The following PDGFC variants were observed in gnomAD, a reference collection of about 807,000 sequenced individuals.
PDGFC encodes platelet derived growth factor C, also known as platelet-derived growth factor C.
PDGFC carries 12 observed loss-of-function variants against 35.5 expected under a neutral mutation model. That is an observed-to-expected ratio of 0.34 (90% CI 0.22 to 0.55). PDGFC has a LOEUF of 0.55. PDGFC is among the 20% of genes least tolerant of loss of function. PDGFC has a pLI of 0.91. For synonymous variants in PDGFC, 159 were observed against 148.8 expected, an observed-to-expected ratio of 1.07 and a Z score of -0.50; for missense variants, 322 against 412.4, an observed-to-expected ratio of 0.78 and a Z score of 1.90.
At chr4:156,911,019 G>A (rs1220655189) in intron 1 of PDGFC, among the ~76,000 whole-genome samples, 1 of 152,068 alleles carries the variant, frequency 6.6e-6, no homozygotes, top group Non-Finnish European at 1.5e-5. Context: ...TTAACGCGGT[G>A]TTTTACAGAG....
intron 1 of PDGFC, among the ~76,000 whole-genome samples, chr4:156,955,065 A>G (rs892741498): frequency 2.6e-5 from 4 of 152,050 alleles, no homozygotes; most frequent in Non-Finnish European, 5.9e-5. Context: ...GAGAGTTTAG[A>G]GAAGAGAGAC....
intron 1 of PDGFC, among the ~76,000 whole-genome samples, chr4:156,885,262 T>C (rs1227533062): frequency 1.3e-5 from 2 of 152,160 alleles, no homozygotes; most frequent in African/African-American, 2.4e-5. Flanking sequence ...GATATATGTG[T>C]GCTTATTTCA....
At chr4:156,914,954 G>C (rs2110818953) in intron 1 of PDGFC, among the ~76,000 whole-genome samples, 1 of 152,182 alleles carries the variant, frequency 6.6e-6, no homozygotes, top group South Asian at 2.1e-4. Flanking sequence ...TTTGTTAATG[G>C]TTTAGAGTAG....
chr4:156,852,062 A>T (rs891670323), intron 1 of PDGFC, among the ~76,000 whole-genome samples: 20 of 152,100 alleles, frequency 1.3e-4, no homozygotes, highest in Non-Finnish European at 2.2e-4. Context: ...ATTTTATTTT[A>T]AAAAAAGTAA....
chr4:156,833,321 G>C (rs1358156268), intron 2 of PDGFC, among the ~76,000 whole-genome samples: 1 of 152,162 alleles, frequency 6.6e-6, no homozygotes, highest in Non-Finnish European at 1.5e-5. Context: ...TTTAGTAGTG[G>C]ATATTCAATA....
intron 2 of PDGFC, among the ~76,000 whole-genome samples, chr4:156,815,966 A>G (rs887613881): frequency 1.3e-5 from 2 of 152,178 alleles, no homozygotes; most frequent in African/African-American, 4.8e-5. Context: ...TTTATGTTTA[A>G]CAAACAAGTC....
intron 1 of PDGFC, among the ~76,000 whole-genome samples, chr4:156,931,394 G>A (rs191772300): frequency 2.0e-5 from 3 of 152,298 alleles, no homozygotes; most frequent in Admixed American, 2.0e-4. Context: ...AAAGATCCAT[G>A]AAGGCTTAAG....
intron 1 of PDGFC, among the ~76,000 whole-genome samples, chr4:156,936,846 T>A (rs1731694722): frequency 6.6e-6 from 1 of 152,136 alleles, no homozygotes; most frequent in Non-Finnish European, 1.5e-5. Context: ...ATGCCTAAGG[T>A]ATGTCAACGA....
At chr4:156,819,319 A>G (rs1732183618) in intron 2 of PDGFC, among the ~76,000 whole-genome samples, 1 of 152,210 alleles carries the variant, frequency 6.6e-6, no homozygotes, top group Non-Finnish European at 1.5e-5. Flanking sequence ...TAGTAATTTG[A>G]TAGCTAGAGA....
At chr4:156,811,053 T>C (rs377338926) in intron 2 of PDGFC, 36 bp from the exon 3 acceptor site, 97 of 1,384,876 alleles carry the variant, frequency 7.0e-5, no homozygotes, top group Non-Finnish European at 9.0e-5. Context: ...CATCATTTCA[T>C]AATCTGTTAT....
At chr4:156,912,715 G>A (rs1344598961) in intron 1 of PDGFC, among the ~76,000 whole-genome samples, 1 of 151,404 alleles carries the variant, frequency 6.6e-6, no homozygotes, top group Non-Finnish European at 1.5e-5. Context: ...GAGAAAATGG[G>A]AACACAAGAA....
chr4:156,971,413 AC>A lies in PDGFC; in HGVS notation c.-511del, dbSNP rs1732590892. 12 of 257,450 alleles carry A rather than the reference AC, an allele frequency of 4.7e-5. No individual in the cohort carries two copies. The highest frequency in any genetic ancestry group is 5.0e-5 in the Non-Finnish European group (7 of 139,376). The allele number at this position is 257,450 out of a possible 1,614,324, so 15.9% of individuals were successfully genotyped here. Reference sequence around the variant, plus strand: ...TCCGGGCGCCCCTCTCCCCCGCCCCACCCCCCACCCCCGAAGGGGGAGGGGG... The same window carrying A: ...TCCGGGCGCCCCTCTCCCCCGCCCCACCCCCACCCCCGAAGGGGGAGGGGG... On this transcript the variant is annotated 5_prime_UTR_variant, in exon 1 of 6. Coordinates refer to ENST00000502773, the MANE Select transcript of PDGFC (RefSeq NM_016205.3).
intron 3 of PDGFC, among the ~76,000 whole-genome samples, chr4:156,786,555 C>T (rs544811892): frequency 1.6e-4 from 25 of 152,102 alleles, no homozygotes; most frequent in East Asian, 1.6e-3. Flanking sequence ...AAGGAGGGGA[C>T]GCTGTGGCTG....
intron 2 of PDGFC, among the ~76,000 whole-genome samples, chr4:156,826,174 A>ATATTTTTT (rs1553967848): frequency 6.9e-5 from 3 of 43,790 alleles, no homozygotes; most frequent in Admixed American, 4.9e-4. Context: ...TTTGAGTTGG[A>ATATTTTTT]TTTTTTTTTT....
At chr4:156,879,898 A>T (rs1730202060) in intron 1 of PDGFC, among the ~76,000 whole-genome samples, 2 of 152,202 alleles carry the variant, frequency 1.3e-5, no homozygotes, top group African/African-American at 2.4e-5. Context: ...AATCAGACCA[A>T]CCACAACATT....
chr4:156,824,550 C>T (rs574409879), intron 2 of PDGFC, among the ~76,000 whole-genome samples: 1 of 151,992 alleles, frequency 6.6e-6, no homozygotes, highest in South Asian at 2.1e-4. Flanking sequence ...GGATTAAATG[C>T]ATTCATGTAT....
At chr4:156,948,755 T>C (rs148558006) in intron 1 of PDGFC, among the ~76,000 whole-genome samples, 1 of 152,024 alleles carries the variant, frequency 6.6e-6, no homozygotes, top group Admixed American at 6.6e-5. Context: ...TTCATTCTAG[T>C]TCCTCTACAT....
intron 1 of PDGFC, among the ~76,000 whole-genome samples, chr4:156,924,905 C>A (rs1164624244): frequency 6.6e-6 from 1 of 152,238 alleles, no homozygotes; most frequent in African/African-American, 2.4e-5. Flanking sequence ...GAGGCTCAAG[C>A]CAGGAAGAGA....
intron 2 of PDGFC, among the ~76,000 whole-genome samples, chr4:156,826,174 A>ATTTTTTTTTTTTTTTTTTTTTTTTTTTTT: frequency 2.3e-5 from 1 of 43,768 alleles, no homozygotes; most frequent in Non-Finnish European, 4.1e-5. Flanking sequence ...TTTGAGTTGG[A>ATTTTTTTTTTTTTTTTTTTTTTTTTTTTT]TTTTTTTTTT....
Sources: allele counts gnomAD v4.1 joint callset (sites outside exome capture counted in the v4.1 genomes callset), GRCh38; gene constraint gnomAD v4.1.1; transcripts MANE v1.5; gene names NCBI Gene and HGNC (gene_info 2026-07-23, HGNC 2026-07-21).